S100A7: variants seen among roughly 807,000 people sequenced by gnomAD.
S100A7 encodes protein S100-A7.
S100A7 carries 2 observed loss-of-function variants against 3.8 expected under a neutral mutation model. The ratio of observed to expected loss-of-function variants is 0.53; its 90% CI spans 0.22 to 1.67. The LOEUF is 1.67. S100A7 is among the 40% of genes most tolerant of loss of function. S100A7 has a pLI of 0.20. For missense variants in S100A7, 130 were observed against 126.3 expected (o/e 1.03, Z -0.14); for synonymous variants, 55 against 45.9 (o/e 1.20, Z -0.80).
rs1438632620 is a variant in S100A7 at position 153,459,127 on chromosome 1, C to T, written c.-17-97G>A. ...GAGGGCTGAGGACAGAGTAAAAACA[C>T]GGATAAGGTGTAGCAGAACGAACTC... On this transcript the variant is annotated intron_variant, in intron 1 of 2. Coordinates refer to ENST00000368723, the MANE Select transcript of S100A7 (RefSeq NM_002963.4). 1.8e-5 allele frequency: 26 copies of T among 1,422,676 alleles called. No individual in the cohort carries two copies. In the African/African-American group the frequency reaches 2.1e-4, roughly 12 times the overall value. The allele number at this position is 1,422,676 out of a possible 1,614,324, so 88.1% of individuals were successfully genotyped here.
intron 2 of S100A7, among the ~76,000 whole-genome samples, 163 bp from the exon 3 acceptor site, chr1:153,458,133 G>C (rs546032359): frequency 2.0e-5 from 3 of 152,184 alleles, no homozygotes; most frequent in Admixed American, 2.0e-4. Flanking sequence ...GGGTGAGGAC[G>C]TGAGTGTTAT....
intron 2 of S100A7, among the ~76,000 whole-genome samples, chr1:153,458,458 A>T (rs996730407): frequency 1.3e-5 from 2 of 151,998 alleles, no homozygotes; most frequent in African/African-American, 2.4e-5. Context: ...GTTTTTTTTC[A>T]GATTTGCTAA....
chr1:153,457,938 G>A lies in S100A7; in HGVS notation c.174C>T (p.Val58=), dbSNP rs904194755. The stretch of plus-strand genomic sequence containing the variant: ...CCTCATTCTTGTCCTTTTTCTCAAA[G>A]ACATCGGCGAGGTAATTTGTGCCCT... The part of the protein sequence containing the change: ...DKKGTNYLAD[V]FEKKDKNEDK... The change falls in exon 3 of 3, where the codon GTC becomes GTT. Residue 58 remains valine, a synonymous_variant. Transcript: ENST00000368723. 2 of 1,614,010 alleles carry A rather than the reference G, an allele frequency of 1.2e-6. No homozygotes were observed. The highest frequency in any genetic ancestry group is 3.3e-5 in the Admixed American group (2 of 59,998).
Position 153,457,809 on chromosome 1 carries a change from C to A in S100A7, c.303G>T (p.Gln101His), listed in dbSNP as rs201818604. The part of the protein sequence containing the change: ...HGAAPCSGGS[Q>H] ...GAGGCCCATTGGTGGGGCTGGGTCA[C>A]TGGCTGCCCCCGGAACAGGGCGCTG... Residue 101 changes from glutamine to histidine, a missense_variant, in exon 3 of 3, where the codon CAG (glutamine) becomes CAT (histidine). Coordinates refer to ENST00000368723, the MANE Select transcript of S100A7 (RefSeq NM_002963.4). The A allele has an allele frequency of 1.3e-4, 203 of 1,614,028 alleles. 1 individual carries two copies. In the Admixed American group the frequency reaches 1.5e-3, roughly 12 times the overall value.
At position 153,458,009 on chromosome 1, in the gene S100A7, C is replaced by T. The variant is rs566161855; in HGVS notation, c.142-39G>A. ...AACATACAAAATAGAAAAATTCAAT[C>T]ACAAACAAGTTTTGGGCTGGGAGGG... On this transcript the variant is annotated intron_variant, in intron 2 of 2. Transcript: ENST00000368723. 1.2e-5 allele frequency: 19 copies of T among 1,606,612 alleles called. No individual in the cohort carries two copies. In the African/African-American group the frequency reaches 1.9e-4, roughly 16 times the overall value.
chr1:153,458,021 T>C (rs780742626), intron 2 of S100A7, 51 bp from the exon 3 acceptor site: 2 of 1,597,298 alleles, frequency 1.3e-6, no homozygotes, highest in East Asian at 2.2e-5. Flanking sequence ...CAAACAAGTT[T>C]TGGGCTGGGA....
intron 1 of S100A7, 73 bp downstream of exon 1, chr1:153,460,535 C>A (rs1663803470): frequency 4.3e-6 from 3 of 704,808 alleles, no homozygotes; most frequent in African/African-American, 3.5e-5. Context: ...CAGCCCTTTC[C>A]CTTCCTACAG....
At chr1:153,459,423 C>A (rs754815551) in intron 1 of S100A7, among the ~76,000 whole-genome samples, 4 of 152,186 alleles carry the variant, frequency 2.6e-5, no homozygotes, top group Non-Finnish European at 4.4e-5. Context: ...GCTTCACAGT[C>A]GGGGTGACAG....
intron 1 of S100A7, 50 bp from the exon 2 acceptor site, chr1:153,459,080 C>G: frequency 1.9e-6 from 3 of 1,591,694 alleles, no homozygotes; most frequent in Non-Finnish European, 2.6e-6. Context: ...AAGTTAGGGT[C>G]TCTATTTGGG....
At position 153,457,913 on chromosome 1, in the gene S100A7, C is replaced by T; in HGVS notation, c.199G>A (p.Asp67Asn). ...DVFEKKDKNE[D>N]KKIDFSEFLS... ...AACTCAGAAAAATCAATCTTCTTAT[C>T]CTCATTCTTGTCCTTTTTCTCAAAG... The change falls in exon 3 of 3, where the codon GAT becomes AAT. Residue 67 changes from aspartate (D) to asparagine (N), a missense_variant. Coordinates refer to ENST00000368723, the MANE Select transcript of S100A7 (RefSeq NM_002963.4). The T allele has an allele frequency of 6.2e-7, 1 of 1,614,148 alleles. No individual in the cohort carries two copies. Among genetic ancestry groups the T allele is most frequent in the South Asian group, 1.1e-5 (1 of 91,086 alleles).
intron 2 of S100A7, among the ~76,000 whole-genome samples, chr1:153,458,417 A>C (rs1663739865): frequency 1.3e-5 from 2 of 152,118 alleles, no homozygotes; most frequent in Non-Finnish European, 1.5e-5. Context: ...ACTCTTGGTC[A>C]TCTAGACCCT....
chr1:153,460,576 C>T, intron 1 of S100A7, 32 bp downstream of exon 1: 4 of 847,010 alleles, frequency 4.7e-6, no homozygotes, highest in African/African-American at 1.7e-5. Context: ...CTGGGCACTT[C>T]TAGAAAACGC....
At chr1:153,458,420 T>C (rs1663739910) in intron 2 of S100A7, among the ~76,000 whole-genome samples, 1 of 152,230 alleles carries the variant, frequency 6.6e-6, no homozygotes, top group Non-Finnish European at 1.5e-5. Flanking sequence ...CTTGGTCATC[T>C]AGACCCTTTG....
chr1:153,459,571 A>G (rs940803302), intron 1 of S100A7, among the ~76,000 whole-genome samples: 8 of 152,192 alleles, frequency 5.3e-5, no homozygotes, highest in Admixed American at 2.6e-4. Flanking sequence ...CCAGGTGCAC[A>G]TGTGAGCGTG....
intron 1 of S100A7, among the ~76,000 whole-genome samples, chr1:153,460,395 A>G (rs1003407265): frequency 3.9e-5 from 6 of 152,216 alleles, no homozygotes; most frequent in African/African-American, 1.4e-4. Flanking sequence ...AGGAGATCCC[A>G]AAGGAGCAAT....
chr1:153,458,225 A>G (rs1200427804), intron 2 of S100A7, among the ~76,000 whole-genome samples: 2 of 151,940 alleles, frequency 1.3e-5, no homozygotes, highest in Non-Finnish European at 2.9e-5. Flanking sequence ...CTGTTAAGTG[A>G]CCTTGGGGAG....
chr1:153,458,799 G>T, intron 2 of S100A7, 74 bp downstream of exon 2: 2 of 1,540,746 alleles, frequency 1.3e-6, no homozygotes, highest in Admixed American at 1.9e-5. Flanking sequence ...TTTAATCAGA[G>T]GGTGAGGGTG....
intron 1 of S100A7, chr1:153,460,005 G>C (rs561287994): frequency 6.6e-6 from 1 of 152,408 alleles, no homozygotes; most frequent in Non-Finnish European, 1.5e-5. Context: ...GCTCCATGCC[G>C]GCAACTGACT....
Position 153,458,837 on chromosome 1 carries a change from T to C in S100A7, c.141+36A>G, listed in dbSNP as rs201766053. 1.9e-6 allele frequency: 3 copies of C among 1,610,260 alleles called. No individual in the cohort carries two copies. In the African/African-American group the frequency reaches 4.0e-5, roughly 21 times the overall value. ...CTGTCCAAGGCCACATAGCAAAATG[T>C]ATCCTCCAACATTGAGAAGCTAGAC... On this transcript the variant is annotated intron_variant, in intron 2 of 2. Transcript: ENST00000368723.
Sources: gnomAD v4.1 joint callset for allele counts (sites outside exome capture counted in the v4.1 genomes callset) on GRCh38, gnomAD v4.1.1 for gene constraint, MANE v1.5 for transcripts, NCBI Gene and HGNC (gene_info 2026-07-23, HGNC 2026-07-21) for gene names.